Variants in KIF23 observed in about 807,000 individuals in gnomAD.
The protein encoded by KIF23 is kinesin-like protein KIF23.
A neutral mutation model predicts 137.5 loss-of-function variants in KIF23; 30 were observed. That is an observed-to-expected ratio of 0.22 (90% CI 0.16 to 0.30). The LOEUF (loss-of-function observed/expected upper bound fraction) is 0.30, where lower values mean the gene tolerates loss of function less well. Among genes scored for constraint, KIF23 ranks in the 10% least tolerant of loss-of-function variants. The pLI is 1.00. For synonymous variants in KIF23, 367 were observed against 391.1 expected (o/e 0.94, Z 0.73); for missense variants, 920 against 1,194.3 (o/e 0.77, Z 3.38).
intron 10 of KIF23, 114 bp from the exon 11 acceptor site, chr15:69,428,997 T>C: frequency 1.5e-6 from 1 of 656,828 alleles, no homozygotes. Context: ...GTCCTGTGCA[T>C]TTTGTACTGT....
In KIF23 at chr15:69,444,823, A is replaced by G. The variant is rs551755264; in HGVS notation, c.2455A>G (p.Ile819Val). Residue 819 changes from isoleucine to valine, a missense_variant, in exon 20 of 24, where the codon ATT (isoleucine) becomes GTT (valine). By Grantham distance (29) the Ile-to-Val change is conservative. Around this residue, in one of 4 missense-constraint regions of KIF23, gnomAD observed 714 missense variants for 866.2 expected, o/e 0.82. Transcript: ENST00000679126. The surrounding 1 kb of genome is among the most constrained non-coding windows in gnomAD (Gnocchi z 4.2). ...LFQPDQNAPP[I>V]RLRHRRSRSA... is the part of the protein sequence containing the mutation. The stretch of plus-strand genomic sequence containing the variant: ...TCAACCTGATCAGAACGCACCACCA[A>G]TTCGTCTCCGACACAGACGATCACG... 2.5e-5 allele frequency: 40 copies of G among 1,614,186 alleles called. No individual in the cohort carries two copies. The South Asian group carries it at 3.5e-4, about 14-fold the overall frequency.
At position 69,438,417 on chromosome 15, in the gene KIF23, C is replaced by T; in HGVS notation, c.1755+12C>T. ...CTTTAGAATATAAGGTTTGTTTTGA[C>T]ATTATTATGATAGATGTATGTGCTG... On this transcript the variant is annotated intron_variant, in intron 16 of 23. Coordinates refer to ENST00000679126, the MANE Select transcript of KIF23 (RefSeq NM_001367805.3). 6.3e-7 allele frequency: 1 copy of T among 1,596,420 alleles called. No individual in the cohort carries two copies. The highest frequency in any genetic ancestry group is 8.5e-7 in the Non-Finnish European group (1 of 1,174,188).
intron 11 of KIF23, chr15:69,435,016 C>T (rs1387368642): frequency 8.4e-6 from 5 of 592,242 alleles, no homozygotes; most frequent in African/African-American, 1.8e-5. Context: ...CTCAACACCG[C>T]GTTGGCATCT....
At chr15:69,423,137 A>C (rs1555427284) in intron 6 of KIF23, 22 bp from the exon 7 acceptor site, 2 of 1,461,610 alleles carry the variant, frequency 1.4e-6, no homozygotes, top group Admixed American at 3.7e-5. Context: ...TAACGTATAC[A>C]ATTGAACTTT....
chr15:69,434,895 AC>A, intron 11 of KIF23: 1 of 716,892 alleles, frequency 1.4e-6, no homozygotes, highest in East Asian at 2.5e-5. Context: ...CTTGCCCATC[AC>A]CATGCCCAGC....
At position 69,448,327 on chromosome 15, in the gene KIF23, T is replaced by C. The variant is rs1468459022; in HGVS notation, c.*520T>C. 6.5e-6 allele frequency: 1 copy of C among 152,672 alleles called. No individual in the cohort carries two copies. The highest frequency in any genetic ancestry group is 1.5e-5 in the Non-Finnish European group (1 of 68,050). The allele number at this position is 152,672 out of a possible 1,614,324, so 9.5% of individuals were successfully genotyped here. A position where few individuals can be genotyped will look rare whatever the true frequency, so the allele number is the denominator to read the frequency against. On this transcript the variant is annotated 3_prime_UTR_variant, in exon 24 of 24. Transcript: ENST00000679126. ...AAAGATGTAAATGACTGGCCAATAA[T>C]AACCATTTTAGGAAGGTGTTTTGAA... is the stretch of plus-strand genomic sequence containing the variant.
chr15:69,446,688 G>T, intron 22 of KIF23, 183 bp from the exon 23 acceptor site: 1 of 664,282 alleles, frequency 1.5e-6, no homozygotes, highest in East Asian at 2.7e-5. Context: ...GACCTTTCTG[G>T]CTCACAACAT....
intron 19 of KIF23, among the ~76,000 whole-genome samples, chr15:69,442,076 A>G (rs761534811): frequency 2.0e-5 from 3 of 152,112 alleles, no homozygotes; most frequent in Non-Finnish European, 4.4e-5. Flanking sequence ...TTTTCAATCC[A>G]TGATACTATG....
chr15:69,433,573 A>C (rs1596004730), intron 11 of KIF23, among the ~76,000 whole-genome samples: 1 of 152,166 alleles, frequency 6.6e-6, no homozygotes, highest in South Asian at 2.1e-4. Flanking sequence ...TGAGAATCTA[A>C]TGCCTGATTA....
rs547591548 is a variant in KIF23 at position 69,426,279 on chromosome 15, C to T, written c.890-57C>T. On this transcript the variant is annotated intron_variant, in intron 9 of 23. Transcript: ENST00000679126. Reference sequence around the variant, plus strand: ...CAATTTTTTTTGACTTATTAGAAAGCATGTATAATGAAATGACTGAGTTCA... The same window carrying T: ...CAATTTTTTTTGACTTATTAGAAAGTATGTATAATGAAATGACTGAGTTCA... 7.7e-5 allele frequency: 123 copies of T among 1,606,486 alleles called. 1 individual carries two copies. In the Middle Eastern group the frequency reaches 4.1e-3, roughly 54 times the overall value.
intron 7 of KIF23, among the ~76,000 whole-genome samples, chr15:69,424,421 G>A (rs1238782756): frequency 6.6e-6 from 1 of 152,168 alleles, no homozygotes; most frequent in Non-Finnish European, 1.5e-5. Context: ...ACTTATTTCT[G>A]GAGTGACCTA....
Position 69,422,156 on chromosome 15 carries a change from TA to T in KIF23, c.453+29del. ...AAGTATGATTCTTTTGTGTTGTGAC[TA>T]TCTTACTGGACTAAGACACCTATGG... On this transcript the variant is annotated intron_variant, in intron 5 of 23. Transcript: ENST00000679126. The T allele has an allele frequency of 3.7e-6, 6 of 1,610,440 alleles. No homozygotes were observed. The South Asian group carries it at 6.6e-5, about 18-fold the overall frequency.
At position 69,444,293 on chromosome 15, in the gene KIF23, T is replaced by C. The variant is rs1198121047; in HGVS notation, c.2422-497T>C. 6.6e-6 allele frequency: 1 copy of C among 152,554 alleles called. No homozygotes were observed. Among genetic ancestry groups the C allele is most frequent in the East Asian group, 1.9e-4 (1 of 5,202 alleles). 9.5% of individuals were successfully genotyped at this position (152,554 alleles called of 1,614,324 possible). The stretch of plus-strand genomic sequence containing the variant: ...AATCTTAACTGAAAGCACTCAGAAG[T>C]ATTTCACATTTCTTTAATCATTTTA... On this transcript the variant is annotated intron_variant, in intron 19 of 23. Transcript: ENST00000679126. The surrounding 1 kb of genome is among the most constrained non-coding windows in gnomAD (Gnocchi z 4.2).
chr15:69,436,636 A>G lies in KIF23; in HGVS notation c.1511A>G (p.Asp504Gly). ...LPSCEILDIN[D>G]EQTLPRLIEA... The stretch of plus-strand genomic sequence containing the variant: ...TCATGCGAAATTTTGGATATCAACG[A>G]TGAGCAGACACTTCCAAGGCTGATT... The change falls in exon 15 of 24, where the codon GAT (aspartate) becomes GGT (glycine). Residue 504 changes from aspartate (D) to glycine (G), a missense_variant. By Grantham distance (94) the Asp-to-Gly change is moderately conservative. Transcript: ENST00000679126. 3.1e-6 allele frequency: 5 copies of G among 1,612,478 alleles called. No homozygotes were observed. Among genetic ancestry groups the G allele is most frequent in the Non-Finnish European group, 4.2e-6 (5 of 1,178,770 alleles).
At chr15:69,429,490 A>G (rs1042934424) in intron 11 of KIF23, among the ~76,000 whole-genome samples, 5 of 151,910 alleles carry the variant, frequency 3.3e-5, no homozygotes, top group African/African-American at 1.2e-4. Context: ...AATTTTTTGT[A>G]GAGGTGGGGT....
rs1225525961 is a variant in KIF23, at chr15:69,438,318, G to A, written c.1668G>A (p.Gly556=). The change falls in exon 16 of 24, where the codon GGG becomes GGA. Residue 556 remains glycine, a synonymous_variant. Transcript: ENST00000679126. The part of the protein sequence containing the change: ...AVLSKENHMQ[G]KLNEKEKMIS... ...TAAGTAAAGAAAACCACATGCAAGG[G>A]AAACTAAATGAAAAGGAGAAGATGA... The A allele has an allele frequency of 2.5e-6, 4 of 1,612,168 alleles. No homozygotes were observed. The Middle Eastern group carries it at 6.7e-4, about 268-fold the overall frequency.
chr15:69,416,242 CTA>C, intron 2 of KIF23, among the ~76,000 whole-genome samples, 179 bp downstream of exon 2: 1 of 152,284 alleles, frequency 6.6e-6, no homozygotes, highest in Non-Finnish European at 1.5e-5. Flanking sequence ...GAAATTTTCT[CTA>C]TAAGATTAAT....
rs969486206 is a variant in KIF23 at position 69,435,710 on chromosome 15, A to G, written c.1253A>G (p.Glu418Gly). 6.2e-7 allele frequency: 1 copy of G among 1,614,182 alleles called. No individual in the cohort carries two copies. The highest frequency in any genetic ancestry group is 8.5e-7 in the Non-Finnish European group (1 of 1,180,020). Residue 418 changes from glutamate to glycine, a missense_variant, in exon 13 of 24, where the codon GAA becomes GGA. Transcript: ENST00000679126. Reference sequence around the variant, plus strand: ...CTGTTCAAGAACTACTTTGATGGGGAAGGAAAAGTGCGGATGATCGTGTGT... The same window carrying G: ...CTGTTCAAGAACTACTTTGATGGGGGAGGAAAAGTGCGGATGATCGTGTGT... The part of the protein sequence containing the change: ...THLFKNYFDG[E>G]GKVRMIVCVN...
intron 21 of KIF23, 35 bp from the exon 22 acceptor site, chr15:69,446,248 A>G: frequency 6.3e-7 from 1 of 1,593,004 alleles, no homozygotes; most frequent in Non-Finnish European, 8.6e-7. Context: ...CTTAGATGGA[A>G]AAATAATTGT....
Sources: gnomAD v4.1 joint callset for allele counts (sites outside exome capture counted in the v4.1 genomes callset) on GRCh38, gnomAD v4.1.1 for gene constraint, gnomAD v4.1.1 regional missense constraint, Gnocchi (gnomAD v3.1) non-coding constraint, MANE v1.5 for transcripts, NCBI Gene and HGNC (gene_info 2026-07-23, HGNC 2026-07-21) for gene names.